The following CHST9 variants were observed in gnomAD, a reference collection of about 807,000 sequenced individuals.
CHST9 encodes the protein GalNAc-4-sulfotransferase 2.
CHST9 carries 41 observed loss-of-function variants against 44.4 expected under a neutral mutation model. That is an observed-to-expected ratio of 0.92 (90% CI 0.72 to 1.20). The LOEUF (loss-of-function observed/expected upper bound fraction) is 1.20, where lower values mean the gene tolerates loss of function less well. Ranked by LOEUF, CHST9 falls within the 50% of genes most tolerant of loss-of-function variation. The pLI is 0.00. For synonymous variants in CHST9, 171 were observed against 178.4 expected (o/e 0.96, Z 0.33); for missense variants, 504 against 516.5 (o/e 0.98, Z 0.23).
intron 4 of CHST9, among the ~76,000 whole-genome samples, chr18:26,947,234 C>T (rs1045425411): frequency 2.0e-5 from 3 of 152,192 alleles, no homozygotes; most frequent in Non-Finnish European, 2.9e-5. Context: ...AGGTCCTTCA[C>T]ATCCCTTGTA....
chr18:27,090,864 T>A (rs1399889750), intron 2 of CHST9, among the ~76,000 whole-genome samples: 1 of 152,238 alleles, frequency 6.6e-6, no homozygotes, highest in Non-Finnish European at 1.5e-5. Context: ...TATTATAGTT[T>A]GAAGTCAGGT....
chr18:26,918,761 C>G (rs531598267), intron 5 of CHST9, among the ~76,000 whole-genome samples: 1 of 152,186 alleles, frequency 6.6e-6, no homozygotes, highest in East Asian at 1.9e-4. Context: ...ATTCCACCAG[C>G]TGAGGTTGAA....
rs1290315841 is a variant in CHST9 at position 26,913,412 on chromosome 18, T to C, written c.*2847A>G. 1.3e-5 allele frequency: 2 copies of C among 152,216 alleles called. No individual in the cohort carries two copies. The highest frequency in any genetic ancestry group is 4.8e-5 in the African/African-American group (2 of 41,454). 9.4% of individuals were successfully genotyped at this position (152,216 alleles called of 1,614,324 possible). A position where few individuals can be genotyped will look rare whatever the true frequency, so the allele number is the denominator to read the frequency against. ...TGGATGTCCTGTACATACATTTCCA[T>C]TGAAGTTTATGGCAGTTTCTGGGCA... On this transcript the variant is annotated 3_prime_UTR_variant, in exon 6 of 6. Coordinates refer to ENST00000618847, the MANE Select transcript of CHST9 (RefSeq NM_031422.6).
chr18:27,061,943 G>A (rs2057726664), intron 2 of CHST9, among the ~76,000 whole-genome samples: 1 of 152,072 alleles, frequency 6.6e-6, no homozygotes, highest in Non-Finnish European at 1.5e-5. Context: ...CCGACATAAA[G>A]GCACCAAAAC....
intron 4 of CHST9, among the ~76,000 whole-genome samples, chr18:26,966,008 C>G (rs2056460035): frequency 6.6e-6 from 1 of 152,214 alleles, no homozygotes; most frequent in Non-Finnish European, 1.5e-5. Context: ...AGTTCCTATG[C>G]CTAATGTTGC....
intron 1 of CHST9, among the ~76,000 whole-genome samples, chr18:27,146,946 A>G (rs548248514): frequency 2.6e-5 from 4 of 152,346 alleles, no homozygotes; most frequent in Admixed American, 6.5e-5. Flanking sequence ...TTATTTTTTT[A>G]AATAATTGTG....
chr18:27,037,050 C>T (rs1459706277), intron 3 of CHST9, among the ~76,000 whole-genome samples: 1 of 152,098 alleles, frequency 6.6e-6, no homozygotes, highest in Non-Finnish European at 1.5e-5. Context: ...TGTTTTCTGT[C>T]GTTTAGAGAG....
chr18:27,093,977 A>G (rs887514191), intron 2 of CHST9, among the ~76,000 whole-genome samples: 1 of 151,984 alleles, frequency 6.6e-6, no homozygotes, highest in Non-Finnish European at 1.5e-5. Context: ...TTTTATCTTC[A>G]TGTTAAGTCA....
chr18:26,984,570 T>A (rs919201409), intron 4 of CHST9, among the ~76,000 whole-genome samples: 24 of 151,880 alleles, frequency 1.6e-4, no homozygotes, highest in African/African-American at 5.5e-4. Flanking sequence ...ATTAACAGAA[T>A]AAAAGGAAAA....
At chr18:26,988,589 T>C (rs1443195212) in intron 4 of CHST9, among the ~76,000 whole-genome samples, 2 of 152,086 alleles carry the variant, frequency 1.3e-5, no homozygotes, top group African/African-American at 4.8e-5. Context: ...GTCAAATCCA[T>C]AATTGCTGTC....
intron 4 of CHST9, among the ~76,000 whole-genome samples, chr18:26,984,470 A>G (rs441072): frequency 8.5e-5 from 13 of 152,156 alleles, no homozygotes; most frequent in Admixed American, 7.9e-4. Flanking sequence ...CAGTTTCTCA[A>G]ACAGGATATA....
intron 3 of CHST9, among the ~76,000 whole-genome samples, chr18:27,037,502 C>T (rs1319651949): frequency 6.6e-6 from 1 of 152,212 alleles, no homozygotes; most frequent in East Asian, 1.9e-4. Context: ...CCATCCTGGG[C>T]AACATAGTGA....
intron 2 of CHST9, among the ~76,000 whole-genome samples, chr18:27,065,652 T>C (rs1169469117): frequency 1.2e-4 from 18 of 145,816 alleles, no homozygotes; most frequent in African/African-American, 1.5e-4. Context: ...AGAAACGATA[T>C]AAAAAGAGAG....
At chr18:27,169,119 C>T (rs1457906789) in intron 1 of CHST9, among the ~76,000 whole-genome samples, 1 of 152,176 alleles carries the variant, frequency 6.6e-6, no homozygotes, top group Non-Finnish European at 1.5e-5. Context: ...AACAGCTTGA[C>T]TGTAGGCTTG....
chr18:27,066,263 C>A (rs1213205110), intron 2 of CHST9, among the ~76,000 whole-genome samples: 1 of 152,190 alleles, frequency 6.6e-6, no homozygotes, highest in African/African-American at 2.4e-5. Flanking sequence ...TGGACCCTCT[C>A]TCTTCCAGGT....
At chr18:27,043,311 T>C (rs2057465629) in intron 3 of CHST9, among the ~76,000 whole-genome samples, 1 of 152,074 alleles carries the variant, frequency 6.6e-6, no homozygotes, top group Non-Finnish European at 1.5e-5. Context: ...CTCTCTGAAG[T>C]TCTAGGCTCT....
intron 4 of CHST9, among the ~76,000 whole-genome samples, chr18:27,020,573 T>A (rs183590759): frequency 2.6e-4 from 39 of 152,364 alleles, no homozygotes; most frequent in Non-Finnish European, 1.5e-5. Flanking sequence ...ATGTTTATAT[T>A]CATTATCTCC....
At chr18:27,112,023 C>G (rs1354972056) in intron 2 of CHST9, among the ~76,000 whole-genome samples, 1 of 151,502 alleles carries the variant, frequency 6.6e-6, no homozygotes, top group East Asian at 1.9e-4. Flanking sequence ...CTGTTGTGAG[C>G]TGATACCTTA....
intron 2 of CHST9, among the ~76,000 whole-genome samples, chr18:27,051,938 T>G (rs1282845121): frequency 6.6e-6 from 1 of 152,212 alleles, no homozygotes; most frequent in African/African-American, 2.4e-5. Context: ...TCTGCTTCTC[T>G]GGAATGCTAT....
Sources: gnomAD v4.1 joint callset for allele counts (sites outside exome capture counted in the v4.1 genomes callset) on GRCh38, gnomAD v4.1.1 for gene constraint, MANE v1.5 for transcripts, NCBI Gene and HGNC (gene_info 2026-07-23, HGNC 2026-07-21) for gene names.